NEBL: variants seen among roughly 807,000 people sequenced by gnomAD.
NEBL encodes nebulette, also known as LIM and SH3 protein 2.
In NEBL, 122 loss-of-function variants were observed where a neutral mutation model predicts 140.2. The ratio of observed to expected loss-of-function variants is 0.87; its 90% confidence interval spans 0.75 to 1.01. The LOEUF is 1.01. NEBL is among the 50% of genes least tolerant of loss of function. The pLI is 0.00. For missense variants in NEBL, 1,365 were observed against 1,231.3 expected (o/e 1.11, Z -1.62); for synonymous variants, 436 against 398.9 (o/e 1.09, Z -1.11).
At chr10:21,038,844 C>A (rs1834126101) in intron 2 of NEBL, among the ~76,000 whole-genome samples, 1 of 152,144 alleles carries the variant, frequency 6.6e-6, no homozygotes, top group South Asian at 2.1e-4. Flanking sequence ...TAAAAGCATT[C>A]CTATTTCTCC....
At chr10:21,133,266 A>C (rs1398158777) in intron 2 of NEBL, among the ~76,000 whole-genome samples, 1 of 152,226 alleles carries the variant, frequency 6.6e-6, no homozygotes, top group Non-Finnish European at 1.5e-5. Context: ...GCTTCAAGGT[A>C]AGAAAAGGAG....
At chr10:21,160,211 T>C (rs1284338293) in intron 2 of NEBL, among the ~76,000 whole-genome samples, 2 of 152,148 alleles carry the variant, frequency 1.3e-5, no homozygotes, top group African/African-American at 4.8e-5. Flanking sequence ...ACTAATATGC[T>C]TTTCTTTCAA....
intron 2 of NEBL, among the ~76,000 whole-genome samples, chr10:21,143,448 CAAAAA>C (rs72021692): frequency 1.5e-5 from 1 of 66,474 alleles, no homozygotes; most frequent in Non-Finnish European, 2.9e-5. Context: ...AACTTCATCT[CAAAAA>C]AAAAAAAAAA....
rs538792466 is a variant in NEBL, at chr10:20,874,452, G to A, written c.481-4611C>T. Among the ~76,000 whole-genome samples the A allele has an allele frequency of 4.6e-5, 7 of 152,258 alleles. No homozygotes were observed. The South Asian group carries it at 1.5e-3, about 32-fold the overall frequency. On this transcript the variant is annotated intron_variant, in intron 5 of 27. Coordinates refer to ENST00000377122, the MANE Select transcript of NEBL (RefSeq NM_006393.3). ...AGAAAGAGCTTCTCTTCTTTTCTCT[G>A]AGATCAGCTGCTGTAAGGATGATTA...
chr10:21,022,617 C>T (rs957389833), intron 2 of NEBL, among the ~76,000 whole-genome samples: 2 of 152,192 alleles, frequency 1.3e-5, no homozygotes, highest in Non-Finnish European at 2.9e-5. Context: ...ACCCTTTACA[C>T]AATTTTCCTG....
rs558120259 is a variant in NEBL, at chr10:21,276,083, G to A, written n.182+16747C>T. ...CCTCCTAGGTTCAAGCGATTGTCAT[G>A]CCTCAGCCTCCTGAGTAGATGAAAC... On this transcript the variant is annotated intron_variant and non_coding_transcript_variant, in intron 1 of 8. Transcript: ENST00000675702. Among the ~76,000 whole-genome samples, 237 of 150,978 alleles carry A rather than the reference G, an allele frequency of 1.6e-3. 2 individuals carry two copies. The highest frequency in any genetic ancestry group is 5.2e-3 in the African/African-American group (212 of 41,048).
At chr10:20,952,920 A>AG (rs1420668875) in intron 4 of NEBL, among the ~76,000 whole-genome samples, 213 of 149,978 alleles carry the variant, frequency 1.4e-3, no homozygotes, top group African/African-American at 3.8e-3. Context: ...AAAAAAAAAA[A>AG]AAAAAGAAAA....
Position 20,785,109 on chromosome 10 carries a change from AATGGAGAGTAGGAG to A in NEBL, c.*624_*637del, listed in dbSNP as rs1423022141. The stretch of plus-strand genomic sequence containing the variant: ...CATAGACTTGGGTCCATAGAATATA[AATGGAGAGTAGGAG>A]ATGCCTTGGTACAAATGAGAAATAA... On this transcript the variant is annotated 3_prime_UTR_variant, in exon 28 of 28. Coordinates refer to ENST00000377122, the MANE Select transcript of NEBL (RefSeq NM_006393.3). The A allele has an allele frequency of 6.5e-6, 1 of 154,398 alleles. No homozygotes were observed. Among genetic ancestry groups the A allele is most frequent in the Non-Finnish European group, 1.4e-5 (1 of 69,284 alleles). 9.6% of individuals were successfully genotyped at this position (154,398 alleles called of 1,614,324 possible).
chr10:21,232,921 G>A (rs72798595), intron 3 of NEBL, among the ~76,000 whole-genome samples: 6,134 of 152,318 alleles, frequency 0.04, 191 homozygotes, highest in South Asian at 0.14. Flanking sequence ...AACTAGAACA[G>A]TAGCATTAGA....
intron 3 of NEBL, among the ~76,000 whole-genome samples, chr10:20,988,032 A>G (rs909885211): frequency 2.6e-5 from 4 of 152,214 alleles, no homozygotes; most frequent in African/African-American, 9.7e-5. Context: ...TCAAATTGAT[A>G]TATGGTTCAA....
chr10:21,000,074 T>A (rs1461526127), intron 3 of NEBL, among the ~76,000 whole-genome samples: 1 of 150,790 alleles, frequency 6.6e-6, no homozygotes, highest in Non-Finnish European at 1.5e-5. Context: ...TATTGTAGTT[T>A]GGAAGGCGGC....
At chr10:20,792,435 TA>T (rs751321029) in intron 26 of NEBL, among the ~76,000 whole-genome samples, 1 of 152,182 alleles carries the variant, frequency 6.6e-6, no homozygotes, top group Non-Finnish European at 1.5e-5. Context: ...GAGGAATTGC[TA>T]AAAGAGAAAG....
intron 2 of NEBL, among the ~76,000 whole-genome samples, chr10:21,027,544 G>C (rs1009297176): frequency 4.6e-5 from 7 of 151,968 alleles, no homozygotes; most frequent in Non-Finnish European, 8.8e-5. Context: ...GCCCAGGCTG[G>C]ATCTCGAACT....
At chr10:21,114,880 T>C (rs968711391) in intron 2 of NEBL, among the ~76,000 whole-genome samples, 18 of 151,984 alleles carry the variant, frequency 1.2e-4, no homozygotes, top group African/African-American at 4.1e-4. Context: ...TGACAGAGTT[T>C]AGACCATTTA....
intron 4 of NEBL, among the ~76,000 whole-genome samples, chr10:20,924,796 G>A (rs574092542): frequency 2.8e-4 from 42 of 152,164 alleles, no homozygotes; most frequent in African/African-American, 9.9e-4. Flanking sequence ...ACAAACGGTC[G>A]TTCAGTTCCA....
Position 20,794,330 on chromosome 10 carries a change from A to G in NEBL, c.2762-7022T>C, listed in dbSNP as rs183126625. Among the ~76,000 whole-genome samples, 666 of 148,164 alleles carry G rather than the reference A, an allele frequency of 4.5e-3. 5 individuals carry two copies. The highest frequency in any genetic ancestry group is 5.7e-3 in the Non-Finnish European group (377 of 66,178). Reference sequence around the variant, plus strand: ...TTCTCCTCTTCTAGACTCTCATATTATCTTTGTTTTAATTTTCTAGTTTTA... The same window carrying G: ...TTCTCCTCTTCTAGACTCTCATATTGTCTTTGTTTTAATTTTCTAGTTTTA... On this transcript the variant is annotated intron_variant, in intron 26 of 27. Transcript: ENST00000377122.
chr10:20,846,687 G>C (rs12257507), intron 11 of NEBL, among the ~76,000 whole-genome samples: 34,289 of 151,982 alleles, frequency 0.23, 4,316 homozygotes, highest in East Asian at 0.43. Flanking sequence ...GGCTAAAAAG[G>C]ACTCTTTAAA....
At chr10:20,795,691 G>A (rs1055961799) in intron 26 of NEBL, among the ~76,000 whole-genome samples, 8 of 151,992 alleles carry the variant, frequency 5.3e-5, no homozygotes, top group South Asian at 2.1e-4. Context: ...TCAATATCAC[G>A]TCTCCTAATG....
At chr10:20,820,730 C>T (rs2130836194) in intron 19 of NEBL, among the ~76,000 whole-genome samples, 2 of 152,224 alleles carry the variant, frequency 1.3e-5, no homozygotes, top group East Asian at 3.9e-4. Context: ...GAGGCTGAGG[C>T]AGGAGAATTG....
Sources: gnomAD v4.1 joint callset for allele counts (sites outside exome capture counted in the v4.1 genomes callset) on GRCh38, gnomAD v4.1.1 for gene constraint, MANE v1.5 for transcripts, NCBI Gene and HGNC (gene_info 2026-07-23, HGNC 2026-07-21) for gene names.